The following CCDC171 variants were observed in gnomAD, a reference collection of about 807,000 sequenced individuals.
CCDC171 encodes the protein coiled-coil domain-containing protein 171.
A neutral mutation model predicts 168.2 loss-of-function variants in CCDC171; 177 were observed. The ratio of observed to expected loss-of-function variants is 1.05; its 90% CI spans 0.93 to 1.19. The LOEUF (loss-of-function observed/expected upper bound fraction) is 1.19, where lower values mean the gene tolerates loss of function less well. CCDC171 is among the 50% of genes most tolerant of loss of function. The pLI is 0.00. For synonymous variants in CCDC171, 687 were observed against 540.8 expected, an observed-to-expected ratio of 1.27 and a Z score of -3.75; for missense variants, 1,991 against 1,539.0, an observed-to-expected ratio of 1.29 and a Z score of -4.91.
At chr9:15,737,768 T>A (rs1373985727) in intron 16 of CCDC171, among the ~76,000 whole-genome samples, 1 of 152,272 alleles carries the variant, frequency 6.6e-6, no homozygotes, top group East Asian at 1.9e-4. Context: ...AAATAACCAT[T>A]ATGGGGCTTG....
At chr9:15,717,499 C>T (rs1020761135) in intron 11 of CCDC171, among the ~76,000 whole-genome samples, 8 of 152,146 alleles carry the variant, frequency 5.3e-5, no homozygotes, top group Admixed American at 2.6e-4. Flanking sequence ...GAGACACCAG[C>T]GGGGGCAGCA....
Position 15,724,779 on chromosome 9 carries a change from C to A in CCDC171, c.1495C>A (p.Leu499Ile). The change falls in exon 14 of 26, where the codon CTT becomes ATT. Residue 499 changes from leucine to isoleucine, a missense_variant. Coordinates refer to ENST00000380701, the MANE Select transcript of CCDC171 (RefSeq NM_173550.4). ...CTTTATTTGGTATCTATGACAGGAA[C>A]TTCAGGATAAACTGGCTGATGTTAA... The part of the protein sequence containing the change: ...IDSHTKNIKE[L>I]QDKLADVNKE... The A allele has an allele frequency of 6.2e-7, 1 of 1,611,996 alleles. No individual in the cohort carries two copies. The highest frequency in any genetic ancestry group is 8.5e-7 in the Non-Finnish European group (1 of 1,178,412).
At chr9:15,704,385 C>T (rs991427521) in intron 11 of CCDC171, among the ~76,000 whole-genome samples, 2 of 152,232 alleles carry the variant, frequency 1.3e-5, no homozygotes, top group Middle Eastern at 3.4e-3. Context: ...ATAATTAATT[C>T]TGTTATCTTG....
chr9:15,595,515 A>G (rs1341279871), intron 6 of CCDC171, among the ~76,000 whole-genome samples: 1 of 152,164 alleles, frequency 6.6e-6, no homozygotes, highest in African/African-American at 2.4e-5. Context: ...TCCATGGTGT[A>G]TATGTGCTGC....
intron 21 of CCDC171, among the ~76,000 whole-genome samples, chr9:15,808,402 T>G (rs2059171650): frequency 6.6e-6 from 1 of 152,168 alleles, no homozygotes; most frequent in Non-Finnish European, 1.5e-5. Context: ...TTAGATATAT[T>G]AGACAAGAAG....
At chr9:15,699,080 C>T (rs10756691) in intron 11 of CCDC171, among the ~76,000 whole-genome samples, 68,766 of 151,820 alleles carry the variant, frequency 0.45, 15,907 homozygotes, top group Non-Finnish European at 0.51. Flanking sequence ...TGGACCCTTG[C>T]GGTGAGCGTT....
intron 9 of CCDC171, among the ~76,000 whole-genome samples, chr9:15,678,032 C>G (rs2049761911): frequency 6.7e-6 from 1 of 149,112 alleles, no homozygotes; most frequent in African/African-American, 2.5e-5. Flanking sequence ...GCCTCAGCCT[C>G]CTGAGTATCT....
intron 6 of CCDC171, among the ~76,000 whole-genome samples, chr9:15,621,323 CACT>C (rs1417989514): frequency 1.3e-5 from 2 of 152,156 alleles, no homozygotes; most frequent in Non-Finnish European, 2.9e-5. Flanking sequence ...TGCTATTGCA[CACT>C]TAATAGATTA....
intron 7 of CCDC171, among the ~76,000 whole-genome samples, chr9:15,633,963 G>C (rs1333115969): frequency 1.4e-5 from 2 of 146,068 alleles, no homozygotes; most frequent in Admixed American, 1.4e-4. Context: ...TCATAGGTGG[G>C]AATTGAACAA....
the CCDC171 span, among the ~76,000 whole-genome samples, chr9:16,067,076 C>T: frequency 6.6e-6 from 1 of 151,894 alleles, no homozygotes; most frequent in Non-Finnish European, 1.5e-5. Flanking sequence ...ACAGTCCCAC[C>T]AACAGTGTAA....
intron 6 of CCDC171, among the ~76,000 whole-genome samples, chr9:15,599,771 A>C (rs2042683602): frequency 6.6e-6 from 1 of 152,154 alleles, no homozygotes; most frequent in Non-Finnish European, 1.5e-5. Context: ...TCTGCCCGTC[A>C]CTTTCAGGTA....
At chr9:16,066,827 T>C in the CCDC171 span, among the ~76,000 whole-genome samples, 6 of 148,886 alleles carry the variant, frequency 4.0e-5, no homozygotes, top group African/African-American at 1.2e-4. Context: ...TTCCATGGTG[T>C]ATATGTGCCA....
At chr9:15,727,608 G>C (rs1045945204) in intron 14 of CCDC171, among the ~76,000 whole-genome samples, 1 of 152,126 alleles carries the variant, frequency 6.6e-6, no homozygotes, top group East Asian at 1.9e-4. Flanking sequence ...ACCTCCATCA[G>C]TAGCAGAGGT....
intron 18 of CCDC171, among the ~76,000 whole-genome samples, chr9:15,772,273 C>T (rs1355121824): frequency 1.3e-5 from 2 of 152,154 alleles, no homozygotes; most frequent in Admixed American, 6.5e-5. Flanking sequence ...TTCCACCTCT[C>T]TTCTAGTACC....
chr9:15,725,004 G>C (rs1184776179), intron 14 of CCDC171, 28 bp downstream of exon 14: 2 of 1,537,568 alleles, frequency 1.3e-6, no homozygotes, highest in Non-Finnish European at 1.8e-6. Flanking sequence ...ATGACTGTCA[G>C]GAAGGGCCTT....
rs567011106 is a variant in CCDC171 at position 15,965,135 on chromosome 9, T to C, written c.3754-6474T>C. ...TGAATATAACAACATATAAGCTCCT[T>C]TGATGAAAGGGCTATAACTTTCATT... On this transcript the variant is annotated intron_variant, in intron 25 of 25. Coordinates refer to ENST00000380701, the MANE Select transcript of CCDC171 (RefSeq NM_173550.4). Among the ~76,000 whole-genome samples, 35 of 152,272 alleles carry C rather than the reference T, an allele frequency of 2.3e-4. No homozygotes were observed. In the South Asian group the frequency reaches 4.2e-3, roughly 18 times the overall value.
intron 23 of CCDC171, among the ~76,000 whole-genome samples, chr9:15,870,225 A>G (rs933075610): frequency 1.3e-5 from 2 of 151,860 alleles, no homozygotes; most frequent in Non-Finnish European, 1.5e-5. Context: ...GTTCTAGTGC[A>G]TAGAATGAAA....
intron 18 of CCDC171, among the ~76,000 whole-genome samples, chr9:15,747,573 T>G (rs1020422359): frequency 3.9e-5 from 6 of 152,190 alleles, no homozygotes; most frequent in African/African-American, 1.4e-4. Context: ...CAATACTTGC[T>G]GTTTTGCAGC....
Position 15,745,023 on chromosome 9 carries a change from T to C in CCDC171, c.2554+246T>C, listed in dbSNP as rs1442435389. Among the ~76,000 whole-genome samples, 4 of 152,342 alleles carry C rather than the reference T, an allele frequency of 2.6e-5. No individual in the cohort carries two copies. The East Asian group carries it at 7.7e-4, about 29-fold the overall frequency. On this transcript the variant is annotated intron_variant, in intron 17 of 25. Transcript: ENST00000380701. ...AAATATATATAATTTCAACTTTGTCTTGTTTTAGATTTGAATCCTCTGCAG... is the reference window on the plus strand; with the variant it reads ...AAATATATATAATTTCAACTTTGTCCTGTTTTAGATTTGAATCCTCTGCAG...
Sources: allele counts gnomAD v4.1 joint callset (sites outside exome capture counted in the v4.1 genomes callset), GRCh38; gene constraint gnomAD v4.1.1; transcripts MANE v1.5; gene names NCBI Gene and HGNC (gene_info 2026-07-23, HGNC 2026-07-21).